Variants in LRP1B observed in about 807,000 individuals in gnomAD.
LRP1B encodes the protein LDL receptor related protein 1B, also known as low-density lipoprotein receptor-related protein 1B.
LRP1B carries 217 observed loss-of-function variants against 556.6 expected under a neutral mutation model. That is an observed-to-expected ratio of 0.39 (90% CI 0.35 to 0.44). The LOEUF (loss-of-function observed/expected upper bound fraction) is 0.44. Ranked by LOEUF, LRP1B falls within the 20% of genes least tolerant of loss-of-function variation. The pLI is 1.00. For missense variants in LRP1B, 5,053 were observed against 5,620.8 expected (o/e 0.90, Z 3.23); for synonymous variants, 2,047 against 1,865.8 (o/e 1.10, Z -2.50).
At chr2:140,298,573 T>C (rs773487801) in intron 83 of LRP1B, among the ~76,000 whole-genome samples, 24 of 152,180 alleles carry the variant, frequency 1.6e-4, no homozygotes, top group Non-Finnish European at 2.5e-4. Flanking sequence ...TTTGATATTG[T>C]TATTCACAAG....
chr2:140,851,052 T>C (rs1460264837), intron 28 of LRP1B, among the ~76,000 whole-genome samples: 1 of 152,170 alleles, frequency 6.6e-6, no homozygotes, highest in South Asian at 2.1e-4. Context: ...GTACTTTTTT[T>C]CTGTCCTTAA....
At chr2:141,920,034 T>G (rs1157470330) in intron 1 of LRP1B, among the ~76,000 whole-genome samples, 4 of 151,960 alleles carry the variant, frequency 2.6e-5, no homozygotes, top group Non-Finnish European at 5.9e-5. Flanking sequence ...CAATCTTTCT[T>G]TCTGGAACAT....
At chr2:141,990,492 T>C (rs1209598640) in intron 1 of LRP1B, among the ~76,000 whole-genome samples, 6 of 152,056 alleles carry the variant, frequency 3.9e-5, no homozygotes, top group African/African-American at 1.4e-4. Context: ...GTTTTTATTT[T>C]TAGTGCAAAG....
intron 23 of LRP1B, among the ~76,000 whole-genome samples, chr2:140,899,784 C>T (rs1694050807): frequency 6.6e-6 from 1 of 152,052 alleles, no homozygotes; most frequent in Admixed American, 6.6e-5. Context: ...GGCAACTTAT[C>T]GATAGAGGGC....
intron 41 of LRP1B, among the ~76,000 whole-genome samples, chr2:140,657,477 C>A (rs941786511): frequency 6.6e-5 from 10 of 150,588 alleles, no homozygotes; most frequent in African/African-American, 2.4e-4. Context: ...TATGGGTGAA[C>A]TATAGGCCAG....
intron 6 of LRP1B, among the ~76,000 whole-genome samples, chr2:141,203,581 T>C (rs376710290): frequency 6.6e-6 from 1 of 151,784 alleles, no homozygotes. Flanking sequence ...CACACAATAA[T>C]GGGGGGGGAG....
intron 7 of LRP1B, among the ~76,000 whole-genome samples, chr2:141,088,176 A>G (rs1700092277): frequency 6.6e-6 from 1 of 152,166 alleles, no homozygotes; most frequent in South Asian, 2.1e-4. Flanking sequence ...AGAAATCCTA[A>G]TATAATCCAG....
intron 84 of LRP1B, among the ~76,000 whole-genome samples, chr2:140,276,420 A>G (rs1424410352): frequency 6.6e-6 from 1 of 151,974 alleles, no homozygotes; most frequent in Non-Finnish European, 1.5e-5. Flanking sequence ...AAAAGGTAAG[A>G]GAGTTGGAGA....
intron 1 of LRP1B, among the ~76,000 whole-genome samples, chr2:141,915,325 T>C (rs75169919): frequency 0.092 from 13,933 of 152,172 alleles, 722 homozygotes; most frequent in African/African-American, 0.15. Flanking sequence ...CCTTTCACCA[T>C]ATACAACAAT....
intron 2 of LRP1B, among the ~76,000 whole-genome samples, chr2:141,674,186 T>G (rs1690786815): frequency 6.6e-6 from 1 of 152,122 alleles, no homozygotes. Context: ...AAATATACAA[T>G]GTTTTAAAAT....
At position 140,416,463 on chromosome 2, in the gene LRP1B, C is replaced by T. The variant is rs188707203; in HGVS notation, c.10414+26041G>A. 2.1e-3 allele frequency among the ~76,000 whole-genome samples: 318 copies of T among 152,000 alleles called. 1 individual carries two copies. Among genetic ancestry groups the T allele is most frequent in the Middle Eastern group, 6.8e-3 (2 of 294 alleles). On this transcript the variant is annotated intron_variant, in intron 66 of 90. Transcript: ENST00000389484. ...TTGAGCTCAGGAATTTGAGACCAGC[C>T]TAGGTAACATGGTGAAACATGTCTC...
At chr2:140,861,412 A>G (rs1175598536) in intron 27 of LRP1B, among the ~76,000 whole-genome samples, 1 of 152,228 alleles carries the variant, frequency 6.6e-6, no homozygotes, top group East Asian at 1.9e-4. Flanking sequence ...ATCTCAAAAA[A>G]CAAAGAGAAA....
chr2:141,869,587 G>T (rs1371178505), intron 1 of LRP1B, among the ~76,000 whole-genome samples: 2 of 152,076 alleles, frequency 1.3e-5, no homozygotes, highest in Non-Finnish European at 2.9e-5. Context: ...AAACATATGG[G>T]TCTGTAGAAT....
chr2:141,201,866 T>A (rs1682037142), intron 6 of LRP1B, among the ~76,000 whole-genome samples: 1 of 152,192 alleles, frequency 6.6e-6, no homozygotes, highest in African/African-American at 2.4e-5. Flanking sequence ...TCATTCAGTC[T>A]GTTAAAAGAA....
chr2:141,650,309 T>A (rs1689737690), intron 2 of LRP1B, among the ~76,000 whole-genome samples: 1 of 152,184 alleles, frequency 6.6e-6, no homozygotes, highest in Admixed American at 6.5e-5. Context: ...TTAGCCTACT[T>A]CTTTGTGAGT....
intron 2 of LRP1B, among the ~76,000 whole-genome samples, chr2:141,735,028 A>G (rs1693411785): frequency 6.6e-6 from 1 of 152,152 alleles, no homozygotes; most frequent in African/African-American, 2.4e-5. Flanking sequence ...AAAATCTTAT[A>G]GTATAGCTAA....
chr2:141,373,876 A>G (rs2683870), intron 3 of LRP1B, among the ~76,000 whole-genome samples: 109,456 of 151,706 alleles, frequency 0.72, 40,186 homozygotes, highest in African/African-American at 0.8. Flanking sequence ...GGTATTTATG[A>G]TTTGATGAGA....
chr2:141,941,363 T>C (rs985732887), intron 1 of LRP1B, among the ~76,000 whole-genome samples: 1 of 152,230 alleles, frequency 6.6e-6, no homozygotes, highest in African/African-American at 2.4e-5. Context: ...TATTTGCTAA[T>C]TCAAATGCAA....
intron 7 of LRP1B, among the ~76,000 whole-genome samples, chr2:141,185,687 C>CAAAAAAAAAAAAAAAAAAAAAAA (rs111914547): frequency 7.6e-6 from 1 of 132,174 alleles, no homozygotes; most frequent in African/African-American, 3.0e-5. Flanking sequence ...AACAAACAAA[C>CAAAAAAAAAAAAAAAAAAAAAAA]AAAAAAAAAC....
Sources: gnomAD v4.1 joint callset for allele counts (sites outside exome capture counted in the v4.1 genomes callset) on GRCh38, gnomAD v4.1.1 for gene constraint, MANE v1.5 for transcripts, NCBI Gene and HGNC (gene_info 2026-07-23, HGNC 2026-07-21) for gene names.